Variants in SESN1 observed in about 807,000 individuals in gnomAD.
The protein encoded by SESN1 is sestrin 1.
SESN1 carries 30 observed loss-of-function variants against 59.3 expected under a neutral mutation model. The observed-to-expected ratio is 0.51, with a 90% CI of 0.38 to 0.69. The LOEUF (loss-of-function observed/expected upper bound fraction) is 0.69, where lower values mean the gene tolerates loss of function less well. SESN1 is among the 30% of genes least tolerant of loss of function. SESN1 has a pLI of 0.00. For missense variants in SESN1, 566 were observed against 673.0 expected, an observed-to-expected ratio of 0.84 and a Z score of 1.76; for synonymous variants, 197 against 219.9, an observed-to-expected ratio of 0.90 and a Z score of 0.92.
rs75219078 is a variant in SESN1, at chr6:109,077,003, C to G, written c.279+16792G>C. 2.3e-3 allele frequency among the ~76,000 whole-genome samples: 357 copies of G among 152,320 alleles called. 1 individual carries two copies. The highest frequency in any genetic ancestry group is 8.2e-3 in the African/African-American group (342 of 41,574). ...TATGGTAGAGCCTATTGCTCCTAGG[C>G]TGCGAACTTCTATAGCATGTTGCTG... is the stretch of plus-strand genomic sequence containing the variant. On this transcript the variant is annotated intron_variant, in intron 1 of 9. Coordinates refer to ENST00000436639, the MANE Select transcript of SESN1 (RefSeq NM_014454.3).
At chr6:109,036,038 TC>T (rs1780243106) in intron 1 of SESN1, among the ~76,000 whole-genome samples, 1 of 152,128 alleles carries the variant, frequency 6.6e-6, no homozygotes, top group Non-Finnish European at 1.5e-5. Flanking sequence ...CCCTCAAGAC[TC>T]CCCACCATTC....
chr6:109,046,997 G>T (rs1339005058), intron 1 of SESN1, among the ~76,000 whole-genome samples: 1 of 77,954 alleles, frequency 1.3e-5, no homozygotes, highest in Non-Finnish European at 2.6e-5. Context: ...GAGGTGGGGG[G>T]GGTCAGCCCC....
intron 1 of SESN1, among the ~76,000 whole-genome samples, chr6:109,013,057 G>A (rs894666512): frequency 6.0e-5 from 9 of 151,036 alleles, no homozygotes; most frequent in African/African-American, 9.7e-5. Flanking sequence ...CAGAGGTTGC[G>A]ATGAGCCAAG....
chr6:108,989,166 C>A (rs1019529887), intron 8 of SESN1, among the ~76,000 whole-genome samples: 2 of 151,950 alleles, frequency 1.3e-5, no homozygotes, highest in African/African-American at 4.8e-5. Context: ...CCATGCCCAG[C>A]CAATTTTTGT....
chr6:109,035,301 C>G (rs924179581), intron 1 of SESN1, among the ~76,000 whole-genome samples: 1 of 152,004 alleles, frequency 6.6e-6, no homozygotes, highest in African/African-American at 2.4e-5. Flanking sequence ...AAAACAGACC[C>G]CTAACTTCAG....
chr6:109,082,970 T>G (rs1258714376), intron 1 of SESN1, among the ~76,000 whole-genome samples: 2 of 152,252 alleles, frequency 1.3e-5, no homozygotes, highest in African/African-American at 4.8e-5. Flanking sequence ...TTAGGTTTAC[T>G]TCTACATGCT....
chr6:108,994,063 C>G (rs1041105146), intron 6 of SESN1, among the ~76,000 whole-genome samples: 1 of 150,222 alleles, frequency 6.7e-6, no homozygotes, highest in African/African-American at 2.5e-5. Flanking sequence ...TCGCTTGAGC[C>G]TAAGAGTCTC....
intron 1 of SESN1, among the ~76,000 whole-genome samples, chr6:109,081,385 T>C (rs536314752): frequency 6.6e-6 from 1 of 152,214 alleles, no homozygotes; most frequent in African/African-American, 2.4e-5. Context: ...GCATTTTGGA[T>C]AAGACATATT....
chr6:109,085,096 T>C lies in SESN1; in HGVS notation c.279+8699A>G, dbSNP rs565724318. Among the ~76,000 whole-genome samples, 157 of 151,712 alleles carry C rather than the reference T, an allele frequency of 1.0e-3. 1 individual carries two copies. The highest frequency in any genetic ancestry group is 3.2e-3 in the African/African-American group (134 of 41,384). On this transcript the variant is annotated intron_variant, in intron 1 of 9. Transcript: ENST00000436639. ...TAACTTTATGGTACATGTATCTTTA[T>C]TGACACTGGCTTATCAGTGTAGCAA...
intron 1 of SESN1, among the ~76,000 whole-genome samples, chr6:109,028,585 G>C (rs1038556783): frequency 3.5e-4 from 53 of 151,922 alleles, no homozygotes; most frequent in African/African-American, 1.2e-3. Flanking sequence ...GGCAATACTA[G>C]GGGGTAAGAC....
chr6:109,066,317 T>C (rs887241751), intron 1 of SESN1, among the ~76,000 whole-genome samples: 3 of 152,058 alleles, frequency 2.0e-5, no homozygotes, highest in Non-Finnish European at 4.4e-5. Context: ...TGTTTCTTTT[T>C]TTTTTTTTTT....
In SESN1 at chr6:108,992,792, C is replaced by T. The variant is rs377481017; in HGVS notation, c.1228G>A (p.Val410Ile). 14 of 1,607,720 alleles carry T rather than the reference C, an allele frequency of 8.7e-6. No individual in the cohort carries two copies. In the African/African-American group the frequency reaches 1.9e-4, roughly 22 times the overall value. Residue 410 changes from valine to isoleucine, a missense_variant, in exon 7 of 10, where the codon GTC (valine) becomes ATC (isoleucine). Transcript: ENST00000436639. ...RHGMHVPTFR[V>I]QDYCWEDHGY... ...CATACAAGTTGCAATTTTACCTGGA[C>T]ACGAAATGTTGGAACATGCATCCCA...
At chr6:109,039,386 T>G (rs1780302890) in intron 1 of SESN1, among the ~76,000 whole-genome samples, 1 of 152,238 alleles carries the variant, frequency 6.6e-6, no homozygotes, top group South Asian at 2.1e-4. Context: ...TTCTGTAATT[T>G]CCCTTCACTT....
At chr6:109,003,405 T>A (rs1779669015) in intron 1 of SESN1, among the ~76,000 whole-genome samples, 1 of 151,964 alleles carries the variant, frequency 6.6e-6, no homozygotes, top group African/African-American at 2.4e-5. Context: ...GAGAAGGACA[T>A]GTGTCAGCAA....
chr6:108,989,391 C>CTA (rs1215954593), intron 8 of SESN1, among the ~76,000 whole-genome samples: 1 of 150,796 alleles, frequency 6.6e-6, no homozygotes, highest in East Asian at 1.9e-4. Context: ...CTTTCTCTCT[C>CTA]TCTATATATA....
At chr6:109,086,912 T>C (rs940456068) in intron 1 of SESN1, among the ~76,000 whole-genome samples, 6 of 152,028 alleles carry the variant, frequency 3.9e-5, no homozygotes, top group Admixed American at 2.0e-4. Context: ...GATGGGTGGA[T>C]CACAAGGTCA....
At chr6:109,014,355 T>G (rs2114355682) in intron 1 of SESN1, among the ~76,000 whole-genome samples, 1 of 152,330 alleles carries the variant, frequency 6.6e-6, no homozygotes, top group Middle Eastern at 3.4e-3. Context: ...TGTAATTATT[T>G]TTATTTTACA....
intron 1 of SESN1, among the ~76,000 whole-genome samples, chr6:109,003,451 A>C (rs1779669387): frequency 6.6e-6 from 1 of 152,184 alleles, no homozygotes; most frequent in Non-Finnish European, 1.5e-5. Context: ...GAAAGTCTTT[A>C]AAGCAGAACA....
chr6:109,065,351 A>G (rs2062125866), intron 1 of SESN1, among the ~76,000 whole-genome samples: 1 of 152,088 alleles, frequency 6.6e-6, no homozygotes, highest in South Asian at 2.1e-4. Context: ...TCCTGTTTTC[A>G]TTTACTCATT....
Sources: allele counts gnomAD v4.1 joint callset (sites outside exome capture counted in the v4.1 genomes callset), GRCh38; gene constraint gnomAD v4.1.1; transcripts MANE v1.5; gene names NCBI Gene and HGNC (gene_info 2026-07-23, HGNC 2026-07-21).